The following EHBP1 variants were observed in gnomAD, a reference collection of about 807,000 sequenced individuals.
The protein encoded by EHBP1 is EH domain binding protein 1.
A neutral mutation model predicts 144.0 loss-of-function variants in EHBP1; 55 were observed. That is an observed-to-expected ratio of 0.38 (90% CI 0.31 to 0.48). The LOEUF (loss-of-function observed/expected upper bound fraction) is 0.48, where lower values mean the gene tolerates loss of function less well. EHBP1 is among the 20% of genes least tolerant of loss of function. The pLI, the probability that EHBP1 is intolerant of heterozygous loss-of-function variation, is 0.98. For missense variants in EHBP1, 1,200 were observed against 1,364.2 expected (o/e 0.88, Z 1.90); for synonymous variants, 469 against 472.7 (o/e 0.99, Z 0.10).
At chr2:62,736,976 A>G (rs978853727) in intron 2 of EHBP1, among the ~76,000 whole-genome samples, 3 of 152,162 alleles carry the variant, frequency 2.0e-5, no homozygotes, top group African/African-American at 7.2e-5. Context: ...TTCAGTAAGG[A>G]CTGGGTTTGG....
intron 1 of EHBP1, among the ~76,000 whole-genome samples, chr2:62,687,504 C>T (rs1252774391): frequency 6.6e-6 from 1 of 152,174 alleles, no homozygotes; most frequent in African/African-American, 2.4e-5. Context: ...ATGGGTTTCC[C>T]ATCTGTGTAG....
chr2:62,826,449 A>G, intron 6 of EHBP1, 181 bp downstream of exon 6: 1 of 505,606 alleles, frequency 2.0e-6, no homozygotes, highest in Non-Finnish European at 3.4e-6. Context: ...TTTTGACTCC[A>G]GAGAATGTAC....
chr2:63,032,536 C>G (rs1339010230), intron 19 of EHBP1, among the ~76,000 whole-genome samples: 1 of 124,684 alleles, frequency 8.0e-6, no homozygotes, highest in Non-Finnish European at 1.6e-5. Context: ...CACTGCACTA[C>G]AGCCTGGGCG....
At chr2:62,903,516 A>G (rs1238020242) in intron 10 of EHBP1, among the ~76,000 whole-genome samples, 2 of 152,190 alleles carry the variant, frequency 1.3e-5, no homozygotes, top group Admixed American at 6.5e-5. Flanking sequence ...CAATCCCAGC[A>G]CTTTGGAAGG....
chr2:62,895,624 A>G (rs1009991991), intron 10 of EHBP1, among the ~76,000 whole-genome samples: 2 of 152,182 alleles, frequency 1.3e-5, no homozygotes, highest in African/African-American at 2.4e-5. Context: ...TCAGATTTCA[A>G]TAGAATGAAA....
In EHBP1 at chr2:62,920,553, A is replaced by T. The variant is rs550936835; in HGVS notation, c.1186-22165A>T. 6.6e-5 allele frequency among the ~76,000 whole-genome samples: 10 copies of T among 152,334 alleles called. No individual in the cohort carries two copies. In the East Asian group the frequency reaches 1.5e-3, roughly 23 times the overall value. ...AAATAATAAAGATCCCAGAAAAGGT[A>T]GATAGGTGGGCAATTATAAAAGCTG... On this transcript the variant is annotated intron_variant, in intron 10 of 22. Coordinates refer to ENST00000431489, the MANE Select transcript of EHBP1 (RefSeq NM_001142616.3).
chr2:62,920,071 G>A (rs2054948735), intron 10 of EHBP1, among the ~76,000 whole-genome samples: 1 of 152,118 alleles, frequency 6.6e-6, no homozygotes, highest in Non-Finnish European at 1.5e-5. Context: ...AATATTTGAA[G>A]AGATAATGGC....
intron 2 of EHBP1, among the ~76,000 whole-genome samples, chr2:62,724,043 A>C (rs921512398): frequency 1.3e-5 from 2 of 152,308 alleles, no homozygotes; most frequent in African/African-American, 4.8e-5. Context: ...GGAAGTTCTC[A>C]TGGATGGTAT....
intron 14 of EHBP1, among the ~76,000 whole-genome samples, chr2:62,975,836 G>A (rs1483859611): frequency 6.6e-6 from 1 of 151,178 alleles, no homozygotes; most frequent in Non-Finnish European, 1.5e-5. Flanking sequence ...CAAGGCTGCG[G>A]TGAGCTGTGA....
Position 62,823,076 on chromosome 2 carries a change from G to C in EHBP1, c.313-3011G>C, listed in dbSNP as rs184320268. ...TGTGGAGGGGGGATATTACTTTTCA[G>C]TAATCAGATTCCTAGGTCCATCTTT... On this transcript the variant is annotated intron_variant, in intron 5 of 22. Transcript: ENST00000431489. Among the ~76,000 whole-genome samples the C allele has an allele frequency of 3.5e-4, 54 of 152,174 alleles. 1 individual carries two copies. Among genetic ancestry groups the C allele is most frequent in the Admixed American group, 2.9e-3 (44 of 15,282 alleles).
chr2:62,810,872 CA>C (rs1160068849), intron 5 of EHBP1, among the ~76,000 whole-genome samples: 1 of 152,178 alleles, frequency 6.6e-6, no homozygotes, highest in African/African-American at 2.4e-5. Context: ...CTTTTGGGAA[CA>C]GGGGAAGGGA....
intron 6 of EHBP1, among the ~76,000 whole-genome samples, chr2:62,829,583 G>A (rs1007661104): frequency 6.1e-5 from 9 of 147,192 alleles, no homozygotes; most frequent in Non-Finnish European, 8.9e-5. Flanking sequence ...GTGTGTGTGT[G>A]TGTGTGTGTG....
chr2:62,803,043 ATGT>A (rs2044150693), intron 5 of EHBP1, among the ~76,000 whole-genome samples: 1 of 152,078 alleles, frequency 6.6e-6, no homozygotes, highest in South Asian at 2.1e-4. Flanking sequence ...CATACTTAAC[ATGT>A]TGTTTTGTGA....
intron 4 of EHBP1, among the ~76,000 whole-genome samples, chr2:62,764,898 A>G (rs572147667): frequency 4.6e-5 from 7 of 152,216 alleles, no homozygotes; most frequent in Non-Finnish European, 8.8e-5. Flanking sequence ...AGTTATCAGT[A>G]TGTTTAATTT....
intron 5 of EHBP1, among the ~76,000 whole-genome samples, chr2:62,789,868 T>C (rs1380373075): frequency 6.6e-6 from 1 of 152,198 alleles, no homozygotes; most frequent in African/African-American, 2.4e-5. Flanking sequence ...AACATGAGAT[T>C]GTTAAAACAA....
At chr2:63,020,579 C>T (rs1369469980) in intron 19 of EHBP1, among the ~76,000 whole-genome samples, 1 of 151,738 alleles carries the variant, frequency 6.6e-6, no homozygotes, top group Non-Finnish European at 1.5e-5. Context: ...GAGTACTTAG[C>T]ACAGAACTTG....
chr2:62,955,722 G>T (rs1163455947), intron 14 of EHBP1, 62 bp downstream of exon 14: 4 of 1,516,010 alleles, frequency 2.6e-6, no homozygotes, highest in Non-Finnish European at 3.6e-6. Context: ...GAGGAGGGAA[G>T]TAATTTGCTT....
intron 2 of EHBP1, among the ~76,000 whole-genome samples, chr2:62,715,924 G>A (rs188476827): frequency 6.6e-6 from 1 of 152,222 alleles, no homozygotes; most frequent in African/African-American, 2.4e-5. Flanking sequence ...GCTAATACAT[G>A]TTATGCTTAA....
At chr2:62,735,283 C>CT (rs1156512168) in intron 2 of EHBP1, among the ~76,000 whole-genome samples, 4 of 149,050 alleles carry the variant, frequency 2.7e-5, no homozygotes, top group South Asian at 2.1e-4. Context: ...TTTTTTTTAA[C>CT]TTTTTTTTTG....
Sources: gnomAD v4.1 joint callset for allele counts (sites outside exome capture counted in the v4.1 genomes callset) on GRCh38, gnomAD v4.1.1 for gene constraint, MANE v1.5 for transcripts, NCBI Gene and HGNC (gene_info 2026-07-23, HGNC 2026-07-21) for gene names.